Variants in KCNH1 observed in about 807,000 individuals in gnomAD.
KCNH1 encodes the protein voltage-gated delayed rectifier potassium channel KCNH1.
Under a neutral mutation model 69.2 loss-of-function variants are expected in KCNH1, and 27 were observed. That is an observed-to-expected ratio of 0.39 (90% CI 0.29 to 0.54). The LOEUF is 0.54. Among genes scored for constraint, KCNH1 ranks in the 20% least tolerant of loss-of-function variants. KCNH1 has a pLI of 0.68. For missense variants in KCNH1, 798 were observed against 1,261.6 expected (o/e 0.63, Z 5.57); for synonymous variants, 456 against 487.7 (o/e 0.93, Z 0.86).
intron 7 of KCNH1, among the ~76,000 whole-genome samples, chr1:210,848,301 T>C (rs113935869): frequency 0.012 from 1,857 of 152,362 alleles, 16 homozygotes; most frequent in Middle Eastern, 0.02. Context: ...ACGTGAACCA[T>C]TGAAATCTGC....
chr1:210,862,000 A>G (rs2102482360), intron 7 of KCNH1: 1 of 766,984 alleles, frequency 1.3e-6, no homozygotes, highest in Non-Finnish European at 2.4e-6. Context: ...AATGGCTTCT[A>G]CAATATTTTC....
chr1:210,735,421 AGTGTGT>A (rs71146244), intron 10 of KCNH1, among the ~76,000 whole-genome samples: 42,064 of 131,424 alleles, frequency 0.32, 6,216 homozygotes, highest in East Asian at 0.49. Context: ...TGAGTGAGTG[AGTGTGT>A]GTGTGTGTGT....
intron 6 of KCNH1, among the ~76,000 whole-genome samples, chr1:210,972,038 A>G (rs1688520649): frequency 6.6e-6 from 1 of 152,052 alleles, no homozygotes; most frequent in South Asian, 2.1e-4. Context: ...CTCAGATGCA[A>G]ATGCCTGTGA....
chr1:211,024,468 G>A (rs954132760), intron 5 of KCNH1, among the ~76,000 whole-genome samples: 4 of 152,170 alleles, frequency 2.6e-5, no homozygotes, highest in African/African-American at 9.7e-5. Flanking sequence ...GGGAGGAGGC[G>A]AGGGAGAAGA....
Position 210,772,510 on chromosome 1 carries a change from CT to C in KCNH1, c.2112+2837del, listed in dbSNP as rs35948855. On this transcript the variant is annotated intron_variant, in intron 10 of 10. Coordinates refer to ENST00000271751, the MANE Select transcript of KCNH1 (RefSeq NM_172362.3). The stretch of plus-strand genomic sequence containing the variant: ...ATGGCAATAATAAAATGACAAGCCT[CT>C]TTTTTTTTTTTTCCAAAAAAGAATG... Among the ~76,000 whole-genome samples the C allele has an allele frequency of 8.6e-3, 1,236 of 143,794 alleles. 11 individuals carry two copies. The highest frequency in any genetic ancestry group is 0.046 in the South Asian group (209 of 4,506). The allele number at this position is 143,794 out of a possible 152,430, so 94.3% of individuals were successfully genotyped here. A position where few individuals can be genotyped will look rare whatever the true frequency, so the allele number is the denominator to read the frequency against.
chr1:210,699,220 C>T (rs1306398159), intron 10 of KCNH1, among the ~76,000 whole-genome samples: 1 of 152,180 alleles, frequency 6.6e-6, no homozygotes, highest in Non-Finnish European at 1.5e-5. Context: ...TCAATAAATA[C>T]TGTGCCTGCC....
At chr1:210,696,345 T>A (rs1681638757) in intron 10 of KCNH1, among the ~76,000 whole-genome samples, 1 of 152,188 alleles carries the variant, frequency 6.6e-6, no homozygotes, top group Non-Finnish European at 1.5e-5. Flanking sequence ...TTTATTTCCA[T>A]TATTTCCATT....
chr1:210,761,307 T>A (rs1683516213), intron 10 of KCNH1, among the ~76,000 whole-genome samples: 1 of 126,820 alleles, frequency 7.9e-6, no homozygotes, highest in South Asian at 2.7e-4. Flanking sequence ...ATGGACCCTA[T>A]AAAGCAATGA....
chr1:210,732,323 A>G (rs915627086), intron 10 of KCNH1, among the ~76,000 whole-genome samples: 2 of 152,058 alleles, frequency 1.3e-5, no homozygotes, highest in South Asian at 2.1e-4. Flanking sequence ...GATCATGAGC[A>G]AAAGGCTGGT....
chr1:210,998,210 G>C (rs985470800), intron 6 of KCNH1, among the ~76,000 whole-genome samples: 1 of 152,264 alleles, frequency 6.6e-6, no homozygotes, highest in African/African-American at 2.4e-5. Flanking sequence ...AAAAGACACA[G>C]ACTGGCAAAT....
intron 6 of KCNH1, among the ~76,000 whole-genome samples, chr1:210,947,963 T>G (rs1687990093): frequency 6.6e-6 from 1 of 151,756 alleles, no homozygotes; most frequent in African/African-American, 2.4e-5. Flanking sequence ...CCCCAGCACT[T>G]TGGGGTAGGG....
rs1337283965 is a variant in KCNH1, at chr1:210,680,118, C to A, written c.*3163G>T. ...CGCCCATTGCTGGAGTCAATGCCCC[C>A]CCACCAAGAACAAACACCACCTCAT... On this transcript the variant is annotated 3_prime_UTR_variant, in exon 11 of 11. Transcript: ENST00000271751. 6.6e-6 allele frequency: 1 copy of A among 152,058 alleles called. No homozygotes were observed. Among genetic ancestry groups the A allele is most frequent in the Admixed American group, 6.6e-5 (1 of 15,264 alleles). The allele number at this position is 152,058 out of a possible 1,614,324, so 9.4% of individuals were successfully genotyped here.
rs557133574 is a variant in KCNH1 at position 211,039,062 on chromosome 1, G to A, written c.559-19806C>T. ...GCCCAGAGGCCCAGGAGGAAAAAGTGGTTTCATGGGCTGGGCCCAGGGTCC... is the reference window on the plus strand; with the variant it reads ...GCCCAGAGGCCCAGGAGGAAAAAGTAGTTTCATGGGCTGGGCCCAGGGTCC... On this transcript the variant is annotated intron_variant, in intron 5 of 10. Coordinates refer to ENST00000271751, the MANE Select transcript of KCNH1 (RefSeq NM_172362.3). Among the ~76,000 whole-genome samples the A allele has an allele frequency of 2.2e-3, 338 of 152,316 alleles. 1 individual carries two copies. Among genetic ancestry groups the A allele is most frequent in the Non-Finnish European group, 4.1e-3 (276 of 68,026 alleles).
chr1:211,043,737 C>A (rs1690044602), intron 5 of KCNH1, among the ~76,000 whole-genome samples: 1 of 152,114 alleles, frequency 6.6e-6, no homozygotes, highest in Non-Finnish European at 1.5e-5. Context: ...AGAAGATAAT[C>A]CACCATTATC....
intron 9 of KCNH1, among the ~76,000 whole-genome samples, chr1:210,795,465 C>G (rs1245080191): frequency 1.3e-5 from 2 of 152,006 alleles, no homozygotes; most frequent in East Asian, 3.9e-4. Context: ...CAGTTTCTAT[C>G]CCACTCTCCC....
chr1:210,987,048 T>C (rs1688853346), intron 6 of KCNH1, among the ~76,000 whole-genome samples: 1 of 152,230 alleles, frequency 6.6e-6, no homozygotes, highest in Non-Finnish European at 1.5e-5. Context: ...CTTCCATCAC[T>C]GATACCCTTT....
At chr1:210,989,603 T>C (rs1427508183) in intron 6 of KCNH1, among the ~76,000 whole-genome samples, 1 of 152,190 alleles carries the variant, frequency 6.6e-6, no homozygotes, top group Non-Finnish European at 1.5e-5. Context: ...TTGTTGTTGT[T>C]GTCAAGGAAC....
intron 10 of KCNH1, among the ~76,000 whole-genome samples, chr1:210,721,242 T>C (rs1162600003): frequency 1.3e-5 from 2 of 152,040 alleles, no homozygotes; most frequent in East Asian, 1.9e-4. Context: ...CCCTGGAGAA[T>C]AAAGGTTCCT....
At chr1:210,853,234 C>A (rs747644320) in intron 7 of KCNH1, among the ~76,000 whole-genome samples, 6 of 152,158 alleles carry the variant, frequency 3.9e-5, no homozygotes, top group Non-Finnish European at 7.3e-5. Flanking sequence ...GCAGAGATAA[C>A]ACCTACCTGG....
Sources: gnomAD v4.1 joint callset for allele counts (sites outside exome capture counted in the v4.1 genomes callset) on GRCh38, gnomAD v4.1.1 for gene constraint, MANE v1.5 for transcripts, NCBI Gene and HGNC (gene_info 2026-07-23, HGNC 2026-07-21) for gene names.